Variants in TCP11L2 observed in about 807,000 individuals in gnomAD.
TCP11L2 encodes the protein t-complex 11 like 2.
A neutral mutation model predicts 50.7 loss-of-function variants in TCP11L2; 39 were observed. The ratio of observed to expected loss-of-function variants is 0.77; its 90% CI spans 0.60 to 1.01. The LOEUF (loss-of-function observed/expected upper bound fraction) is 1.01. Among genes scored for constraint, TCP11L2 ranks in the 50% least tolerant of loss-of-function variants. TCP11L2 has a pLI of 0.00. For synonymous variants in TCP11L2, 192 were observed against 219.3 expected (o/e 0.88, Z 1.10); for missense variants, 612 against 614.7 (o/e 1.00, Z 0.05).
At chr12:106,323,220 C>G (rs1420409651) in intron 5 of TCP11L2, among the ~76,000 whole-genome samples, 2 of 152,040 alleles carry the variant, frequency 1.3e-5, no homozygotes, top group Non-Finnish European at 2.9e-5. Flanking sequence ...TACCCTGTGT[C>G]CTGGCTCTTT....
intron 6 of TCP11L2, among the ~76,000 whole-genome samples, chr12:106,327,437 C>T (rs141524363): frequency 4.6e-5 from 7 of 152,272 alleles, no homozygotes; most frequent in African/African-American, 1.7e-4. Flanking sequence ...CTTCCTGCCT[C>T]TCAACTTGCT....
At chr12:106,312,743 A>G (rs990571436) in intron 2 of TCP11L2, among the ~76,000 whole-genome samples, 2 of 152,098 alleles carry the variant, frequency 1.3e-5, no homozygotes, top group African/African-American at 2.4e-5. Flanking sequence ...TTAGCTGAGC[A>G]TGGTGGCATG....
chr12:106,328,852 G>A (rs2035645654), intron 6 of TCP11L2, among the ~76,000 whole-genome samples: 1 of 152,150 alleles, frequency 6.6e-6, no homozygotes, highest in Admixed American at 6.5e-5. Flanking sequence ...CCATTGTCAC[G>A]ATGGTTGATG....
chr12:106,310,544 G>A (rs1287873893), intron 1 of TCP11L2, among the ~76,000 whole-genome samples: 2 of 152,142 alleles, frequency 1.3e-5, no homozygotes, highest in African/African-American at 2.4e-5. Flanking sequence ...TGAGTACTGT[G>A]CCAAGCTCTT....
At chr12:106,336,891 C>G (rs552423082) in intron 8 of TCP11L2, among the ~76,000 whole-genome samples, 1 of 152,302 alleles carries the variant, frequency 6.6e-6, no homozygotes, top group Non-Finnish European at 1.5e-5. Flanking sequence ...TTACTGACTT[C>G]ACAAATCCAC....
chr12:106,321,603 C>T lies in TCP11L2; in HGVS notation c.532C>T (p.Leu178=). Residue 178 remains leucine, a synonymous_variant, in exon 5 of 10, where the codon CTG becomes TTG. Coordinates refer to ENST00000299045, the MANE Select transcript of TCP11L2 (RefSeq NM_152772.3). The part of the protein sequence containing the change: ...AEHSAVDIQG[L]ANYVISTMGK... The stretch of plus-strand genomic sequence containing the variant: ...GCACAGTGCTGTTGACATCCAAGGC[C>T]TGGCCAACTATGTCATCAGTACGAT... 2 of 1,614,200 alleles carry T rather than the reference C, an allele frequency of 1.2e-6. No homozygotes were observed. The highest frequency in any genetic ancestry group is 1.7e-6 in the Non-Finnish European group (2 of 1,180,028).
At chr12:106,298,678 C>T (rs762243369), upstream of TCP11L2, among the ~76,000 whole-genome samples, 6 of 151,014 alleles carry the variant, frequency 4.0e-5, no homozygotes, top group Admixed American at 6.6e-5. Context: ...TGTGCCACCA[C>T]GCCCAACTAA....
intron 6 of TCP11L2, chr12:106,324,659 G>GTTCCAGATGGTGATGGTGGCTTT (rs2035475969): frequency 1.3e-5 from 2 of 152,258 alleles, no homozygotes; most frequent in African/African-American, 2.4e-5. Context: ...ATGGTGGCTT[G>GTTCCAGATGGTGATGGTGGCTTT]TTCCAGATGG....
intron 6 of TCP11L2, among the ~76,000 whole-genome samples, chr12:106,327,988 A>G (rs900944417): frequency 6.6e-6 from 1 of 152,228 alleles, no homozygotes. Flanking sequence ...TGGGGGCCAT[A>G]AGTAATTTTT....
At chr12:106,309,241 C>T (rs1479050141) in intron 1 of TCP11L2, among the ~76,000 whole-genome samples, 1 of 152,134 alleles carries the variant, frequency 6.6e-6, no homozygotes, top group Non-Finnish European at 1.5e-5. Flanking sequence ...TTCCCCTGAG[C>T]AGATTGGAGT....
Position 106,311,084 on chromosome 12 carries a change from C to G in TCP11L2, c.9C>G (p.Phe3Leu), listed in dbSNP as rs781611488. 1 of 1,614,116 alleles carries G rather than the reference C, an allele frequency of 6.2e-7. No individual in the cohort carries two copies. The highest frequency in any genetic ancestry group is 1.1e-5 in the South Asian group (1 of 91,072). The change falls in exon 2 of 10, where the codon TTC (phenylalanine) becomes TTG (leucine). Residue 3 changes from phenylalanine (F) to leucine (L), a missense_variant. Transcript: ENST00000299045. MP[F>L]NGEKQCVGED... Reference sequence around the variant, plus strand: ...CACTTAAGTGACGCAAAATGCCCTTCAATGGCGAGAAGCAGTGTGTGGGAG... The same window carrying G: ...CACTTAAGTGACGCAAAATGCCCTTGAATGGCGAGAAGCAGTGTGTGGGAG...
intron 6 of TCP11L2, 98 bp downstream of exon 6, chr12:106,323,744 T>A (rs879081645): frequency 0.24 from 90,423 of 380,082 alleles, 14,176 homozygotes; most frequent in East Asian, 0.68. Context: ...TAAATTAAAT[T>A]AATAAATAAA....
At chr12:106,312,115 C>G (rs1036903889) in intron 2 of TCP11L2, among the ~76,000 whole-genome samples, 11 of 152,126 alleles carry the variant, frequency 7.2e-5, no homozygotes, top group African/African-American at 2.4e-4. Flanking sequence ...TGTGTGTGGA[C>G]TCTTCTTGCT....
At chr12:106,308,619 G>C (rs1279411759) in intron 1 of TCP11L2, among the ~76,000 whole-genome samples, 1 of 152,188 alleles carries the variant, frequency 6.6e-6, no homozygotes, top group Non-Finnish European at 1.5e-5. Context: ...TTACATTACA[G>C]GGGAATAACT....
At chr12:106,326,254 G>A (rs545180205) in intron 6 of TCP11L2, among the ~76,000 whole-genome samples, 1 of 152,258 alleles carries the variant, frequency 6.6e-6, no homozygotes, top group African/African-American at 2.4e-5. Context: ...AGCACATCCA[G>A]GGGAGAGCAC....
At position 106,336,080 on chromosome 12, in the gene TCP11L2, A is replaced by G; in HGVS notation, c.1009A>G (p.Asn337Asp). ...ARLQELTEKL[N>D]QLKIIACLSL... Reference sequence around the variant, plus strand: ...TCTTCAGGAACTAACAGAAAAGCTGAATCAATTGAAAATTATTGCCTGCCT... The same window carrying G: ...TCTTCAGGAACTAACAGAAAAGCTGGATCAATTGAAAATTATTGCCTGCCT... The change falls in exon 8 of 10, where the codon AAT becomes GAT. Residue 337 changes from asparagine to aspartate, a missense_variant. Asn to Asp is a conservative substitution (Grantham distance 23). Coordinates refer to ENST00000299045, the MANE Select transcript of TCP11L2 (RefSeq NM_152772.3). The G allele has an allele frequency of 6.2e-7, 1 of 1,614,134 alleles. No individual in the cohort carries two copies. Among genetic ancestry groups the G allele is most frequent in the East Asian group, 2.2e-5 (1 of 44,886 alleles).
At chr12:106,312,240 C>G (rs1006950439) in intron 2 of TCP11L2, 3 of 415,470 alleles carry the variant, frequency 7.2e-6, no homozygotes, top group Admixed American at 3.2e-5. Flanking sequence ...TGATTAATCA[C>G]TGGACATTTA....
intron 4 of TCP11L2, among the ~76,000 whole-genome samples, chr12:106,318,976 A>G (rs1018249750): frequency 2.6e-5 from 4 of 151,730 alleles, no homozygotes; most frequent in Non-Finnish European, 5.9e-5. Context: ...CAGTGGCGCA[A>G]TCTCGGCTCA....
At chr12:106,308,113 T>C (rs1269133299) in intron 1 of TCP11L2, among the ~76,000 whole-genome samples, 1 of 152,226 alleles carries the variant, frequency 6.6e-6, no homozygotes, top group African/African-American at 2.4e-5. Context: ...AATTTTCCAT[T>C]GCAGCCCCTG....
Sources: gnomAD v4.1 joint callset for allele counts (sites outside exome capture counted in the v4.1 genomes callset) on GRCh38, gnomAD v4.1.1 for gene constraint, MANE v1.5 for transcripts, NCBI Gene and HGNC (gene_info 2026-07-23, HGNC 2026-07-21) for gene names.